Variants in PRKN observed in about 807,000 individuals in gnomAD.
The protein encoded by PRKN is E3 ubiquitin-protein ligase parkin.
Under a neutral mutation model 59.5 loss-of-function variants are expected in PRKN, and 56 were observed. That is an observed-to-expected ratio of 0.94 (90% CI 0.76 to 1.18). PRKN has a LOEUF of 1.18. Among genes scored for constraint, PRKN ranks in the 50% most tolerant of loss-of-function variants. PRKN has a pLI of 0.00. For missense variants in PRKN, 657 were observed against 596.4 expected (o/e 1.10, Z -1.06); for synonymous variants, 250 against 222.1 (o/e 1.13, Z -1.12).
At chr6:162,417,575 C>A (rs9689396) in intron 2 of PRKN, among the ~76,000 whole-genome samples, 83,556 of 152,064 alleles carry the variant, frequency 0.55, 23,920 homozygotes, top group African/African-American at 0.71. Context: ...ATGAGCAAAA[C>A]CCTGCATTTA....
At chr6:162,269,088 G>A (rs1322868793) in intron 2 of PRKN, among the ~76,000 whole-genome samples, 1 of 152,152 alleles carries the variant, frequency 6.6e-6, no homozygotes, top group Non-Finnish European at 1.5e-5. Context: ...AGATGGTATA[G>A]GTGAGCTGGT....
intron 7 of PRKN, chr6:161,716,199 C>G: frequency 1.4e-6 from 1 of 724,296 alleles, no homozygotes; most frequent in South Asian, 1.4e-5. Flanking sequence ...ATCTGATGCT[C>G]TTTTCATATT....
Position 162,235,952 on chromosome 6 carries a change from A to AG in PRKN, c.412+26572dup, listed in dbSNP as rs1226783459. 6.3e-4 allele frequency among the ~76,000 whole-genome samples: 52 copies of AG among 82,820 alleles called. 1 individual carries two copies. Among genetic ancestry groups the AG allele is most frequent in the Middle Eastern group, 5.6e-3 (1 of 178 alleles). 54.3% of individuals were successfully genotyped at this position (82,820 alleles called of 152,430 possible). On this transcript the variant is annotated intron_variant, in intron 3 of 11. Coordinates refer to ENST00000366898, the MANE Select transcript of PRKN (RefSeq NM_004562.3). ...AAGGAAGGAAGGAAGGAAGGAAGGA[A>AG]GAAAGGAAGAAAGAAAGAAAGAAAG...
At chr6:162,040,499 A>T (rs1032453977) in intron 5 of PRKN, among the ~76,000 whole-genome samples, 1 of 148,910 alleles carries the variant, frequency 6.7e-6, no homozygotes, top group African/African-American at 2.5e-5. Context: ...TCTGCCTCTC[A>T]GGTTCAAGCG....
At chr6:162,459,322 T>C (rs1302344802) in intron 1 of PRKN, among the ~76,000 whole-genome samples, 1 of 152,058 alleles carries the variant, frequency 6.6e-6, no homozygotes, top group African/African-American at 2.4e-5. Context: ...AAATAATATT[T>C]AAAATCCAAA....
chr6:162,222,828 TGTTA>T (rs575265522), intron 3 of PRKN, among the ~76,000 whole-genome samples: 5 of 152,246 alleles, frequency 3.3e-5, no homozygotes, highest in African/African-American at 1.2e-4. Context: ...TTCACCTCAC[TGTTA>T]GTTTTCTTTT....
At chr6:162,038,298 G>T (rs1350598327) in intron 5 of PRKN, among the ~76,000 whole-genome samples, 1 of 152,114 alleles carries the variant, frequency 6.6e-6, no homozygotes, top group Non-Finnish European at 1.5e-5. Context: ...ATGGCAAATT[G>T]ATTGTAGTCT....
intron 1 of PRKN, among the ~76,000 whole-genome samples, chr6:162,596,533 T>C (rs369628410): frequency 3.2e-4 from 48 of 152,158 alleles, no homozygotes; most frequent in Non-Finnish European, 5.4e-4. Context: ...TTCCTAGGCA[T>C]TGAAATAAAG....
chr6:161,894,345 CA>C (rs566593992), intron 6 of PRKN, among the ~76,000 whole-genome samples: 5 of 152,204 alleles, frequency 3.3e-5, no homozygotes, highest in Non-Finnish European at 7.3e-5. Context: ...CTCTTCACCC[CA>C]GTTCAGACTA....
At chr6:162,437,149 A>C (rs1316003140) in intron 2 of PRKN, among the ~76,000 whole-genome samples, 1 of 152,178 alleles carries the variant, frequency 6.6e-6, no homozygotes, top group Non-Finnish European at 1.5e-5. Flanking sequence ...TAATGTCTCT[A>C]TAAGTTTTAC....
At chr6:161,901,757 G>A (rs1777924540) in intron 6 of PRKN, among the ~76,000 whole-genome samples, 1 of 152,192 alleles carries the variant, frequency 6.6e-6, no homozygotes, top group South Asian at 2.1e-4. Flanking sequence ...GTGGCTGCAG[G>A]AAAGACTCAG....
chr6:162,216,267 A>T (rs1452925110), intron 3 of PRKN, among the ~76,000 whole-genome samples: 2 of 151,574 alleles, frequency 1.3e-5, no homozygotes, highest in Admixed American at 6.6e-5. Flanking sequence ...GCGGTGGCTC[A>T]CGCCTGTAAT....
chr6:161,955,366 G>T (rs1482873639), intron 6 of PRKN, among the ~76,000 whole-genome samples: 1 of 151,898 alleles, frequency 6.6e-6, no homozygotes, highest in Non-Finnish European at 1.5e-5. Context: ...CTATTTAAGG[G>T]TATTATTATA....
At position 162,378,890 on chromosome 6, in the gene PRKN, G is replaced by T. The variant is rs75991210; in HGVS notation, c.171+64420C>A. Among the ~76,000 whole-genome samples the T allele has an allele frequency of 8.1e-3, 1,232 of 152,220 alleles. 19 individuals are homozygous for T. Among genetic ancestry groups the T allele is most frequent in the African/African-American group, 0.028 (1,154 of 41,532 alleles). ...AGACCTGGAAGGGGATTCCACACTTGGCTGTCTCTGCAGAGCCACAGGCAA... is the reference window on the plus strand; with the variant it reads ...AGACCTGGAAGGGGATTCCACACTTTGCTGTCTCTGCAGAGCCACAGGCAA... On this transcript the variant is annotated intron_variant, in intron 2 of 11. Coordinates refer to ENST00000366898, the MANE Select transcript of PRKN (RefSeq NM_004562.3).
intron 6 of PRKN, among the ~76,000 whole-genome samples, chr6:161,898,015 C>A (rs912800298): frequency 4.8e-5 from 7 of 145,902 alleles, no homozygotes; most frequent in African/African-American, 1.8e-4. Context: ...AGGTTTTTCT[C>A]ATCTGCTACA....
intron 6 of PRKN, among the ~76,000 whole-genome samples, chr6:161,945,843 C>T (rs908762369): frequency 3.9e-5 from 6 of 152,200 alleles, no homozygotes; most frequent in Non-Finnish European, 7.3e-5. Flanking sequence ...ATATGTGTCA[C>T]ACCCTAGATT....
chr6:162,448,333 C>A (rs554837822), intron 1 of PRKN, among the ~76,000 whole-genome samples: 2 of 152,116 alleles, frequency 1.3e-5, no homozygotes, highest in Non-Finnish European at 2.9e-5. Context: ...CACCCTCCTG[C>A]GATTACTACC....
chr6:161,568,520 G>C (rs1339663442), intron 8 of PRKN, among the ~76,000 whole-genome samples: 1 of 152,204 alleles, frequency 6.6e-6, no homozygotes, highest in African/African-American at 2.4e-5. Context: ...GTGAACCTGG[G>C]AGGCGGAGCT....
intron 1 of PRKN, among the ~76,000 whole-genome samples, chr6:162,660,084 A>C (rs1778821471): frequency 6.6e-6 from 1 of 152,206 alleles, no homozygotes; most frequent in Admixed American, 6.5e-5. Flanking sequence ...ATGTTGAAAG[A>C]ACACAGATTT....
Sources: allele counts gnomAD v4.1 joint callset (sites outside exome capture counted in the v4.1 genomes callset), GRCh38; gene constraint gnomAD v4.1.1; transcripts MANE v1.5; gene names NCBI Gene and HGNC (gene_info 2026-07-23, HGNC 2026-07-21).